The following HEXA variants were observed in gnomAD, a reference collection of about 807,000 sequenced individuals.
The protein encoded by HEXA is hexosaminidase subunit alpha, also known as beta-hexosaminidase subunit alpha.
HEXA carries 54 observed loss-of-function variants against 73.3 expected under a neutral mutation model. The observed-to-expected ratio is 0.74, with a 90% confidence interval of 0.59 to 0.92. HEXA has a LOEUF of 0.92. HEXA is among the 40% of genes least tolerant of loss of function. HEXA has a pLI of 0.00. For synonymous variants in HEXA, 230 were observed against 246.9 expected (o/e 0.93, Z 0.64); for missense variants, 649 against 653.0 (o/e 0.99, Z 0.07).
At chr15:72,345,373 T>C in intron 13 of HEXA, 73 bp downstream of exon 13, 2 of 1,599,410 alleles carry the variant, frequency 1.3e-6, no homozygotes, top group Non-Finnish European at 1.7e-6. Flanking sequence ...ATTATTGTCT[T>C]CCTCTCTCTA....
In HEXA at chr15:72,376,007, C is replaced by CA; in HGVS notation, c.-36dup. ...GTCTCCCCTCTCGGAGGGGGCTGGC[C>CA]ACGTGAGACCCTGGTCAGGTGAGCG... On this transcript the variant is annotated 5_prime_UTR_variant, in exon 1 of 14. Transcript: ENST00000268097. The CA allele has an allele frequency of 1.9e-6, 3 of 1,608,006 alleles. 1 individual carries two copies. The South Asian group carries it at 3.3e-5, about 18-fold the overall frequency.
intron 1 of HEXA, among the ~76,000 whole-genome samples, chr15:72,367,930 T>C (rs2140337844): frequency 6.6e-6 from 1 of 152,358 alleles, no homozygotes; most frequent in Non-Finnish European, 1.5e-5. Context: ...AGGTCAGGTG[T>C]TCCTCTTCTG....
chr15:72,375,971 ATGGCCCGC>A lies in HEXA; in HGVS notation c.-7_1del, dbSNP rs759154405. 1 of 1,613,440 alleles carries A rather than the reference ATGGCCCGC, an allele frequency of 6.2e-7. No individual in the cohort carries two copies. ...CGAAAACCAAAGCCTGGAGCTTGTC[ATGGCCCGC>A]TGGTCTCCCCTCTCGGAGGGGGCTG... On this transcript the variant is annotated start_lost and start_retained_variant and 5_prime_UTR_variant, in exon 1 of 14. Coordinates refer to ENST00000268097, the MANE Select transcript of HEXA (RefSeq NM_000520.6).
rs778947516 is a variant in HEXA at position 72,351,224 on chromosome 15, G to A, written c.581C>T (p.Ala194Val). 46 of 1,605,432 alleles carry A rather than the reference G, an allele frequency of 2.9e-5. No homozygotes were observed. The African/African-American group carries it at 3.7e-4, about 13-fold the overall frequency. ...GTGGAACACGTTCAATTTATTGTAC[G>A]CCATGACATCCTGTAGGTTAAAGTG... ...SSILDTLDVM[A>V]YNKLNVFHWH... Residue 194 changes from alanine to valine, a missense_variant, in exon 6 of 14, where the codon GCG becomes GTG. Ala to Val is a moderately conservative substitution (Grantham distance 64). Coordinates refer to ENST00000268097, the MANE Select transcript of HEXA (RefSeq NM_000520.6).
chr15:72,350,978 T>C, intron 6 of HEXA, 155 bp downstream of exon 6: 1 of 690,612 alleles, frequency 1.4e-6, no homozygotes, highest in African/African-American at 1.8e-5. Context: ...GTTTTGGACT[T>C]GAACTCAAGT....
intron 2 of HEXA, among the ~76,000 whole-genome samples, chr15:72,356,235 T>C (rs2088776851): frequency 6.6e-6 from 1 of 152,146 alleles, no homozygotes; most frequent in Admixed American, 6.5e-5. Context: ...TAGAGAAAAG[T>C]AGCAAAGTAT....
chr15:72,348,130 A>G lies in HEXA; in HGVS notation c.991T>C (p.Ser331Pro). 1 of 1,609,216 alleles carries G rather than the reference A, an allele frequency of 6.2e-7. No homozygotes were observed. The highest frequency in any genetic ancestry group is 1.1e-5 in the South Asian group (1 of 90,960). Reference protein sequence around the residue: ...GDEVDFTCWKSNPEIQDFMRK... With the variant: ...GDEVDFTCWKPNPEIQDFMRK... ...ATAAAGTCCTGGATCTCTGGGTTGG[A>G]CTTCCTGAATCCCAAGAGAAAATGA... The change falls in exon 9 of 14, where the codon TCC becomes CCC. Residue 331 changes from serine to proline, a missense_variant. Ser to Pro is a moderately conservative substitution (Grantham distance 74). Transcript: ENST00000268097.
At chr15:72,345,908 A>T in intron 12 of HEXA, 1 of 527,912 alleles carries the variant, frequency 1.9e-6, no homozygotes, top group African/African-American at 1.9e-5. Flanking sequence ...TGAAAACAGC[A>T]GAGGGAAGCC....
At chr15:72,370,697 TAA>T in intron 1 of HEXA, 1 of 338,636 alleles carries the variant, frequency 3.0e-6, no homozygotes, top group Non-Finnish European at 5.1e-6. Context: ...ACCTGTTTCT[TAA>T]AAAAAAAAAG....
chr15:72,365,341 C>CTTGG lies in HEXA; in HGVS notation c.254-8725_254-8724insCCAA, dbSNP rs1260251586. Reference sequence around the variant, plus strand: ...GTCTAGATCTCCTGACCTCATGATCCACCCGCCTTGGCCTCCCAAAGTGCT... The same window carrying CTTGG: ...GTCTAGATCTCCTGACCTCATGATCCTTGGACCCGCCTTGGCCTCCCAAAGTGCT... On this transcript the variant is annotated intron_variant, in intron 1 of 13. Transcript: ENST00000268097. Among the ~76,000 whole-genome samples the CTTGG allele has an allele frequency of 5.3e-5, 8 of 152,300 alleles. No individual in the cohort carries two copies. The East Asian group carries it at 1.5e-3, about 29-fold the overall frequency.
chr15:72,355,429 A>G, intron 3 of HEXA, 130 bp downstream of exon 3: 1 of 746,948 alleles, frequency 1.3e-6, no homozygotes, highest in Non-Finnish European at 2.4e-6. Flanking sequence ...GGGAGGCTAA[A>G]GAGGGAAGAT....
chr15:72,341,204 A>G lies in HEXA; in HGVS notation c.*2873T>C, dbSNP rs1401151606. 6.6e-6 allele frequency: 1 copy of G among 152,144 alleles called. No individual in the cohort carries two copies. Among genetic ancestry groups the G allele is most frequent in the Non-Finnish European group, 1.5e-5 (1 of 68,030 alleles). 9.4% of individuals were successfully genotyped at this position (152,144 alleles called of 1,614,324 possible). ...CTTTCTTTCACCCTTTCCCAGTATC[A>G]TTTCAGCTTTCCTCACAGTCTCACT... On this transcript the variant is annotated 3_prime_UTR_variant, in exon 14 of 14. Coordinates refer to ENST00000268097, the MANE Select transcript of HEXA (RefSeq NM_000520.6).
chr15:72,341,093 T>C lies in HEXA; in HGVS notation c.*2984A>G, dbSNP rs963885280. The C allele has an allele frequency of 6.6e-6, 1 of 152,106 alleles. No homozygotes were observed. The highest frequency in any genetic ancestry group is 2.4e-5 in the African/African-American group (1 of 41,410). The allele number at this position is 152,106 out of a possible 1,614,324, so 9.4% of individuals were successfully genotyped here. A position where few individuals can be genotyped will look rare whatever the true frequency, so the allele number is the denominator to read the frequency against. On this transcript the variant is annotated 3_prime_UTR_variant, in exon 14 of 14. Coordinates refer to ENST00000268097, the MANE Select transcript of HEXA (RefSeq NM_000520.6). ...GCTTACAAAAGATATTGACAGAAAC[T>C]ATACAAATCTAGAATTTAGAGTGCT... is the stretch of plus-strand genomic sequence containing the variant.
At chr15:72,360,590 TTC>T (rs2088840398) in intron 1 of HEXA, 1 of 152,350 alleles carries the variant, frequency 6.6e-6, no homozygotes, top group East Asian at 1.9e-4. Context: ...TTCAAATTAT[TTC>T]TTTCAACTCT....
rs904139475 is a variant in HEXA at position 72,341,636 on chromosome 15, G to C, written c.*2441C>G. ...CACAAGATGGCCTGTGTTCCGCTCA[G>C]GGGTGGGACTTTCAATTTACAGCCT... On this transcript the variant is annotated 3_prime_UTR_variant, in exon 14 of 14. Transcript: ENST00000268097. 6.6e-6 allele frequency: 1 copy of C among 152,246 alleles called. No individual in the cohort carries two copies. Among genetic ancestry groups the C allele is most frequent in the Non-Finnish European group, 1.5e-5 (1 of 68,064 alleles). The allele number at this position is 152,246 out of a possible 1,614,324, so 9.4% of individuals were successfully genotyped here.
At chr15:72,363,859 C>T (rs1364657947) in intron 1 of HEXA, among the ~76,000 whole-genome samples, 1 of 151,914 alleles carries the variant, frequency 6.6e-6, no homozygotes, top group East Asian at 1.9e-4. Context: ...GGAAAGAGAA[C>T]ATCTCCCTAA....
chr15:72,349,749 T>G (rs1413072238), intron 7 of HEXA, among the ~76,000 whole-genome samples: 6 of 151,184 alleles, frequency 4.0e-5, no homozygotes, highest in East Asian at 3.9e-4. Context: ...ATCTTCAGGG[T>G]TTTTTTTTGG....
intron 1 of HEXA, 62 bp downstream of exon 1, chr15:72,375,658 G>C: frequency 6.2e-7 from 1 of 1,600,504 alleles, no homozygotes; most frequent in South Asian, 1.1e-5. Context: ...GAGCCCTGGG[G>C]GAACTGTCCC....
intron 1 of HEXA, among the ~76,000 whole-genome samples, chr15:72,363,958 A>T (rs1267270310): frequency 1.3e-5 from 2 of 152,128 alleles, no homozygotes; most frequent in Admixed American, 6.5e-5. Flanking sequence ...TTAATTTTTA[A>T]AATAAAAATG....
Sources: gnomAD v4.1 joint callset for allele counts (sites outside exome capture counted in the v4.1 genomes callset) on GRCh38, gnomAD v4.1.1 for gene constraint, MANE v1.5 for transcripts, NCBI Gene and HGNC (gene_info 2026-07-23, HGNC 2026-07-21) for gene names.